Variants in SPICE1 observed in about 807,000 individuals in gnomAD.
SPICE1 encodes the protein spindle and centriole-associated protein 1.
SPICE1 carries 75 observed loss-of-function variants against 102.7 expected under a neutral mutation model. That is an observed-to-expected ratio of 0.73 (90% CI 0.61 to 0.88). The LOEUF is 0.88. Ranked by LOEUF, SPICE1 falls within the 40% of genes least tolerant of loss-of-function variation. SPICE1 has a pLI of 0.00. For synonymous variants in SPICE1, 308 were observed against 350.3 expected, an observed-to-expected ratio of 0.88 and a Z score of 1.35; for missense variants, 979 against 1,020.1, an observed-to-expected ratio of 0.96 and a Z score of 0.55.
intron 7 of SPICE1, among the ~76,000 whole-genome samples, chr3:113,477,408 C>A (rs1230048569): frequency 1.3e-5 from 2 of 151,720 alleles, no homozygotes; most frequent in Admixed American, 1.3e-4. Context: ...ACTAGAAATA[C>A]CATTTGACCC....
At chr3:113,512,814 T>C (rs1206822917) in intron 1 of SPICE1, among the ~76,000 whole-genome samples, 4 of 152,200 alleles carry the variant, frequency 2.6e-5, no homozygotes, top group Non-Finnish European at 5.9e-5. Flanking sequence ...ATTCTTCTTG[T>C]CTTTCCATTA....
Position 113,450,371 on chromosome 3 carries a change from A to G in SPICE1, c.2288T>C (p.Met763Thr). Residue 763 changes from methionine (M) to threonine (T), a missense_variant, in exon 15 of 18, where the codon ATG becomes ACG. Coordinates refer to ENST00000295872, the MANE Select transcript of SPICE1 (RefSeq NM_144718.4). ...KLVGLNLSPP[M>T]SPVQLPLRAW... ...TCTGAGAGGTAACTGAACAGGTGAC[A>G]TTGGTGGAGAAAGATTCAAACCAAC... The G allele has an allele frequency of 6.2e-7, 1 of 1,614,192 alleles. No individual in the cohort carries two copies. The highest frequency in any genetic ancestry group is 2.2e-5 in the East Asian group (1 of 44,876).
chr3:113,513,825 T>C (rs1351212266), intron 1 of SPICE1, among the ~76,000 whole-genome samples: 2 of 152,234 alleles, frequency 1.3e-5, no homozygotes, highest in African/African-American at 2.4e-5. Flanking sequence ...ATGTAACTAA[T>C]ATTTTGAAGC....
chr3:113,487,394 A>G (rs1461749049), intron 7 of SPICE1, among the ~76,000 whole-genome samples: 1 of 152,172 alleles, frequency 6.6e-6, no homozygotes, highest in African/African-American at 2.4e-5. Context: ...AAAACTAGAT[A>G]CTAATATAGA....
chr3:113,479,378 T>C (rs550635640), intron 7 of SPICE1, among the ~76,000 whole-genome samples: 65 of 152,028 alleles, frequency 4.3e-4, no homozygotes, highest in African/African-American at 1.4e-3. Context: ...GCTATCATTG[T>C]TGGACATTTG....
At chr3:113,460,546 T>G in intron 12 of SPICE1, 71 bp downstream of exon 12, 1 of 1,520,794 alleles carries the variant, frequency 6.6e-7, no homozygotes, top group South Asian at 1.4e-5. Context: ...TTTAGAGATT[T>G]AAGGTTTGGT....
At chr3:113,509,351 AAG>A (rs778449028) in intron 1 of SPICE1, among the ~76,000 whole-genome samples, 13 of 152,210 alleles carry the variant, frequency 8.5e-5, no homozygotes, top group Non-Finnish European at 1.3e-4. Context: ...CTGCAAAAAC[AAG>A]AGTCATAAAA....
In SPICE1 at chr3:113,450,525, G is replaced by GGA. The variant is rs1553765749; in HGVS notation, c.2143-10_2143-9insTC. 0.042 allele frequency: 51,314 copies of GGA among 1,221,580 alleles called. 197 individuals carry two copies. Among genetic ancestry groups the GGA allele is most frequent in the East Asian group, 0.11 (4,224 of 37,500 alleles). 75.7% of individuals were successfully genotyped at this position (1,221,580 alleles called of 1,614,324 possible). ...TGTGCTACTGGAAAAGTCTTTGGGA[G>GGA]AAAAAAAAAAAAAGTACAAATTGAA... On this transcript the variant is annotated splice_polypyrimidine_tract_variant and intron_variant, in intron 14 of 17. Transcript: ENST00000295872.
Position 113,465,792 on chromosome 3 carries a change from A to G in SPICE1, c.1156-8T>C. On this transcript the variant is annotated splice_region_variant and splice_polypyrimidine_tract_variant and intron_variant, in intron 10 of 17. Coordinates refer to ENST00000295872, the MANE Select transcript of SPICE1 (RefSeq NM_144718.4). ...ACGTAGCTGGATCTCACTCTACAAAAAAATATCAAATAAACTTCCACCAAT... is the reference window on the plus strand; with the variant it reads ...ACGTAGCTGGATCTCACTCTACAAAGAAATATCAAATAAACTTCCACCAAT... 1 of 1,608,266 alleles carries G rather than the reference A, an allele frequency of 6.2e-7. No homozygotes were observed.
In SPICE1 at chr3:113,468,316, C is replaced by A. The variant is rs752531271; in HGVS notation, c.978G>T (p.Arg326Ser). 3.7e-6 allele frequency: 6 copies of A among 1,614,092 alleles called. No individual in the cohort carries two copies. The highest frequency in any genetic ancestry group is 5.1e-6 in the Non-Finnish European group (6 of 1,180,030). The part of the protein sequence containing the change: ...GSTTSADLPN[R>S]TNSNLDVLKH... ...TGAGGACATCCAGGTTGGAATTAGT[C>A]CTATTTGGTAAGTCTGCAGAGGTTG... The change falls in exon 10 of 18, where the codon AGG (arginine) becomes AGT (serine). Residue 326 changes from arginine (R) to serine (S), a missense_variant. By Grantham distance (110) the Arg-to-Ser change is moderately radical. Transcript: ENST00000295872.
At chr3:113,445,863 T>G (rs1312262935) in intron 17 of SPICE1, among the ~76,000 whole-genome samples, 1 of 152,304 alleles carries the variant, frequency 6.6e-6, no homozygotes, top group Non-Finnish European at 1.5e-5. Context: ...TTTGATCTAA[T>G]TACTGAACTC....
At chr3:113,478,075 A>C (rs961703984) in intron 7 of SPICE1, among the ~76,000 whole-genome samples, 1 of 152,060 alleles carries the variant, frequency 6.6e-6, no homozygotes, top group Non-Finnish European at 1.5e-5. Context: ...AAAGGTAACC[A>C]CCAGAACAAA....
In SPICE1 at chr3:113,442,839, C is replaced by A. The variant is rs1188885029; in HGVS notation, c.*2468G>T. The A allele has an allele frequency of 1.3e-5, 2 of 152,026 alleles. No homozygotes were observed. The highest frequency in any genetic ancestry group is 2.9e-5 in the Non-Finnish European group (2 of 67,994). 9.4% of individuals were successfully genotyped at this position (152,026 alleles called of 1,614,324 possible). On this transcript the variant is annotated 3_prime_UTR_variant, in exon 18 of 18. Coordinates refer to ENST00000295872, the MANE Select transcript of SPICE1 (RefSeq NM_144718.4). ...TTCCAGGGCTTAAAAAAATGATTATCCTTGCTATTACTTATTAAATGGTAT... is the reference window on the plus strand; with the variant it reads ...TTCCAGGGCTTAAAAAAATGATTATACTTGCTATTACTTATTAAATGGTAT...
intron 7 of SPICE1, among the ~76,000 whole-genome samples, chr3:113,487,574 G>A (rs1393966514): frequency 6.6e-6 from 1 of 152,086 alleles, no homozygotes; most frequent in Non-Finnish European, 1.5e-5. Flanking sequence ...TGAAGAAATG[G>A]TTGATTCCAG....
Position 113,493,310 on chromosome 3 carries a change from AC to A in SPICE1, c.387del (p.Pro131GlnfsTer3). On this transcript the variant is annotated frameshift_variant and splice_region_variant, in exon 6 of 18. Transcript: ENST00000295872. LOFTEE classifies it high-confidence loss of function. Reference sequence around the variant, plus strand: ...TCAGGAGCCACTGTTACATTTGGAAACCCTGCAAAAGGAAAAGAAGTTGTGA... The same window carrying A: ...TCAGGAGCCACTGTTACATTTGGAAACCTGCAAAAGGAAAAGAAGTTGTGA... ...AKELFPRRRT[G>X]FPNVTVAPDS... The A allele has an allele frequency of 6.2e-7, 1 of 1,613,214 alleles. No homozygotes were observed. Among genetic ancestry groups the A allele is most frequent in the Non-Finnish European group, 8.5e-7 (1 of 1,179,288 alleles).
chr3:113,451,413 GA>G (rs975657973), intron 14 of SPICE1, among the ~76,000 whole-genome samples: 13 of 151,296 alleles, frequency 8.6e-5, no homozygotes, highest in African/African-American at 3.2e-4. Flanking sequence ...TTTCTCTTTG[GA>G]AAAAAATAAT....
intron 1 of SPICE1, among the ~76,000 whole-genome samples, chr3:113,506,834 T>A (rs1937123008): frequency 6.6e-6 from 1 of 152,192 alleles, no homozygotes; most frequent in African/African-American, 2.4e-5. Flanking sequence ...ATAACTTATA[T>A]ATTTGATTAA....
chr3:113,491,624 C>CAAAAAAAAAA (rs869171154), intron 6 of SPICE1, among the ~76,000 whole-genome samples: 611 of 38,070 alleles, frequency 0.016, 65 homozygotes, highest in African/African-American at 0.04. Flanking sequence ...GACTCCGTCT[C>CAAAAAAAAAA]AAAAAAAAAA....
chr3:113,463,978 G>T (rs888185543), intron 11 of SPICE1, among the ~76,000 whole-genome samples: 2 of 152,076 alleles, frequency 1.3e-5, no homozygotes, highest in Non-Finnish European at 2.9e-5. Context: ...TAGGACAGGA[G>T]AATGGCGTGA....
Sources: gnomAD v4.1 joint callset for allele counts (sites outside exome capture counted in the v4.1 genomes callset) on GRCh38, gnomAD v4.1.1 for gene constraint, MANE v1.5 for transcripts, NCBI Gene and HGNC (gene_info 2026-07-23, HGNC 2026-07-21) for gene names.